The following TJP2 variants were observed in gnomAD, a reference collection of about 807,000 sequenced individuals.
TJP2 encodes tight junction protein 2.
In TJP2, 91 loss-of-function variants were observed where a neutral mutation model predicts 133.1. The ratio of observed to expected loss-of-function variants is 0.68; its 90% CI spans 0.58 to 0.81. The LOEUF is 0.81. Ranked by LOEUF, TJP2 falls within the 40% of genes least tolerant of loss-of-function variation. The pLI is 0.00. For missense variants in TJP2, 1,541 were observed against 1,565.6 expected, an observed-to-expected ratio of 0.98 and a Z score of 0.26; for synonymous variants, 592 against 583.4, an observed-to-expected ratio of 1.01 and a Z score of -0.21.
chr9:69,244,933 A>G (rs1221622600), intron 17 of TJP2, among the ~76,000 whole-genome samples: 3 of 152,220 alleles, frequency 2.0e-5, no homozygotes, highest in African/African-American at 7.2e-5. Flanking sequence ...TTTCTTTATG[A>G]TGAATGCAGA....
At chr9:69,203,284 C>T in intron 1 of TJP2, among the ~76,000 whole-genome samples, 1 of 151,186 alleles carries the variant, frequency 6.6e-6, no homozygotes. Flanking sequence ...TTCCAAGGTC[C>T]TCCTTTGTAC....
At chr9:69,172,820 G>C (rs935288140), upstream of TJP2, among the ~76,000 whole-genome samples, 3 of 152,044 alleles carry the variant, frequency 2.0e-5, no homozygotes, top group African/African-American at 7.2e-5. Flanking sequence ...TGATTCTCCT[G>C]CCTTGCCTTC....
At chr9:69,122,945 G>T (rs1822212525) in intron 1 of TJP2, among the ~76,000 whole-genome samples, 1 of 152,152 alleles carries the variant, frequency 6.6e-6, no homozygotes. Context: ...CTGATAGGGT[G>T]ACATTCTGGG....
At chr9:69,238,933 A>G in intron 16 of TJP2, 144 bp downstream of exon 16, 1 of 744,318 alleles carries the variant, frequency 1.3e-6, no homozygotes, top group Non-Finnish European at 2.3e-6. Flanking sequence ...TACACCTGTA[A>G]TCCCAACACT....
At chr9:69,232,188 G>GC (rs1339726062) in intron 11 of TJP2, among the ~76,000 whole-genome samples, 2 of 152,078 alleles carry the variant, frequency 1.3e-5, no homozygotes. Context: ...GGCTTCTTTT[G>GC]CTGTCATCCC....
Position 69,239,976 on chromosome 9 carries a change from G to T in TJP2, c.2395G>T (p.Asp799Tyr). The T allele has an allele frequency of 6.2e-7, 1 of 1,614,126 alleles. No homozygotes were observed. The highest frequency in any genetic ancestry group is 8.5e-7 in the Non-Finnish European group (1 of 1,180,038). The part of the protein sequence containing the change: ...ALLDVTPKAV[D>Y]LLNYTQWFPI... ...ACTGGATGTGACTCCGAAAGCTGTG[G>T]ACCTGTTGAATTACACCCAGTGGTT... The change falls in exon 17 of 23, where the codon GAC becomes TAC. Residue 799 changes from aspartate to tyrosine, a missense_variant. Coordinates refer to ENST00000377245, the MANE Select transcript of TJP2 (RefSeq NM_004817.4).
intron 1 of TJP2, among the ~76,000 whole-genome samples, chr9:69,200,206 G>T (rs1276393073): frequency 9.0e-6 from 1 of 110,684 alleles, no homozygotes; most frequent in Non-Finnish European, 2.1e-5. Flanking sequence ...ACCCCTCCTG[G>T]CTCTGAACGG....
Position 69,169,011 on chromosome 9 carries a change from G to A in TJP2, c.-10+17240G>A, listed in dbSNP as rs1438914974. ...AGGAAGATGGGTGGAGCCAGGAGAGGAGATGAGGCTACCTGGAAGTGGGGG... is the reference window on the plus strand; with the variant it reads ...AGGAAGATGGGTGGAGCCAGGAGAGAAGATGAGGCTACCTGGAAGTGGGGG... On this transcript the variant is annotated intron_variant, in intron 2 of 5. Coordinates refer to the TJP2 transcript ENST00000423935. 2.6e-5 allele frequency among the ~76,000 whole-genome samples: 4 copies of A among 151,712 alleles called. No individual in the cohort carries two copies. The East Asian group carries it at 7.8e-4, about 29-fold the overall frequency.
intron 2 of TJP2, among the ~76,000 whole-genome samples, chr9:69,158,587 T>G (rs753608117): frequency 6.6e-6 from 1 of 151,920 alleles, no homozygotes; most frequent in Non-Finnish European, 1.5e-5. Flanking sequence ...TAAGGAAGCT[T>G]ATTCTTCTTC....
chr9:69,217,849 C>T (rs901020984), intron 3 of TJP2, among the ~76,000 whole-genome samples: 6 of 152,174 alleles, frequency 3.9e-5, no homozygotes, highest in African/African-American at 1.4e-4. Context: ...AGCCCTTTTC[C>T]TGCACAAAAG....
chr9:69,203,124 G>C (rs867078872), intron 1 of TJP2, among the ~76,000 whole-genome samples: 1 of 151,916 alleles, frequency 6.6e-6, no homozygotes, highest in African/African-American at 2.4e-5. Context: ...GAAGGAGTGG[G>C]CTGGCCTGAA....
At chr9:69,204,654 A>G (rs1827256237) in intron 1 of TJP2, 1 of 281,422 alleles carries the variant, frequency 3.6e-6, no homozygotes, top group Non-Finnish European at 5.4e-6. Flanking sequence ...GACGTAAAAC[A>G]TTTTCTTTTC....
At chr9:69,204,399 C>G (rs778429954) in intron 1 of TJP2, among the ~76,000 whole-genome samples, 9 of 152,188 alleles carry the variant, frequency 5.9e-5, no homozygotes, top group Non-Finnish European at 1.3e-4. Context: ...AACCCCAGCT[C>G]CCAAGCCCCA....
chr9:69,246,630 C>A, intron 17 of TJP2, 60 bp from the exon 18 acceptor site: 1 of 1,378,662 alleles, frequency 7.3e-7, no homozygotes, highest in Non-Finnish European at 1.0e-6. Flanking sequence ...TGTCAAATAG[C>A]ATCCTTAATA....
At position 69,221,087 on chromosome 9, in the gene TJP2, T is replaced by TGAGCGGGCCCGGAGCCGG; in HGVS notation, c.551_568dup (p.Ala184_Arg189dup). 1 of 1,588,400 alleles carries TGAGCGGGCCCGGAGCCGG rather than the reference T, an allele frequency of 6.3e-7. No homozygotes were observed. The highest frequency in any genetic ancestry group is 8.6e-7 in the Non-Finnish European group (1 of 1,167,936). ...ACAGCCCGGAAAGGGGGCGTCCCCA[T>TGAGCGGGCCCGGAGCCGG]GAGCGGGCCCGGAGCCGGGAGCGGG... On this transcript the variant is annotated inframe_insertion, in exon 5 of 23. Coordinates refer to ENST00000377245, the MANE Select transcript of TJP2 (RefSeq NM_004817.4).
intron 1 of TJP2, among the ~76,000 whole-genome samples, chr9:69,122,575 G>A (rs1282039579): frequency 6.6e-6 from 1 of 152,188 alleles, no homozygotes; most frequent in Non-Finnish European, 1.5e-5. Context: ...GCATTGCAAG[G>A]TTCTTCTATA....
Position 69,152,327 on chromosome 9 carries a change from T to C in TJP2, c.-10+556T>C, listed in dbSNP as rs1440059840. ...AATGAGATTTACAAGGTCTTAAATT[T>C]TGACAGATGTGGGATGCATTTGTTT... is the stretch of plus-strand genomic sequence containing the variant. On this transcript the variant is annotated intron_variant, in intron 2 of 5. Transcript: ENST00000423935. Among the ~76,000 whole-genome samples the C allele has an allele frequency of 3.9e-5, 6 of 152,194 alleles. No homozygotes were observed. The East Asian group carries it at 1.2e-3, about 29-fold the overall frequency.
At chr9:69,242,562 G>A (rs1280733598) in intron 17 of TJP2, among the ~76,000 whole-genome samples, 1 of 152,184 alleles carries the variant, frequency 6.6e-6, no homozygotes, top group African/African-American at 2.4e-5. Context: ...TATCTCACCA[G>A]AAATTGCCAA....
chr9:69,229,359 G>T (rs1829593916), intron 10 of TJP2, 109 bp downstream of exon 10: 3 of 1,047,906 alleles, frequency 2.9e-6, no homozygotes, highest in Non-Finnish European at 1.5e-6. Context: ...TTTGTACACT[G>T]TCAGCCACCT....
Sources: gnomAD v4.1 joint callset for allele counts (sites outside exome capture counted in the v4.1 genomes callset) on GRCh38, gnomAD v4.1.1 for gene constraint, MANE v1.5 for transcripts, NCBI Gene and HGNC (gene_info 2026-07-23, HGNC 2026-07-21) for gene names.